The following DAB1 variants were observed in gnomAD, a reference collection of about 807,000 sequenced individuals.
DAB1 encodes the protein disabled homolog 1.
In DAB1, 15 loss-of-function variants were observed where a neutral mutation model predicts 64.6. That is an observed-to-expected ratio of 0.23 (90% CI 0.16 to 0.36). The LOEUF (loss-of-function observed/expected upper bound fraction) is 0.36, where lower values mean the gene tolerates loss of function less well. Ranked by LOEUF, DAB1 falls within the 10% of genes least tolerant of loss-of-function variation. The pLI is 1.00. For synonymous variants in DAB1, 235 were observed against 251.9 expected (o/e 0.93, Z 0.64); for missense variants, 596 against 706.7 (o/e 0.84, Z 1.78).
chr1:58,292,413 A>G (rs967769685), intron 4 of DAB1, among the ~76,000 whole-genome samples: 1 of 152,254 alleles, frequency 6.6e-6, no homozygotes, highest in Non-Finnish European at 1.5e-5. Context: ...CTGTCATACT[A>G]TGAGGATTAA....
At chr1:57,844,326 A>C (rs1487749976) in intron 1 of DAB1, among the ~76,000 whole-genome samples, 2 of 152,214 alleles carry the variant, frequency 1.3e-5, no homozygotes, top group African/African-American at 4.8e-5. Flanking sequence ...ATTTAGAATA[A>C]AGTATGATGT....
chr1:58,067,807 G>GT (rs1648947841), intron 5 of DAB1, among the ~76,000 whole-genome samples: 1 of 152,162 alleles, frequency 6.6e-6, no homozygotes, highest in Non-Finnish European at 1.5e-5. Flanking sequence ...AATGAGTGGG[G>GT]GGTAATGAGT....
chr1:57,488,774 A>C (rs997766415), intron 7 of DAB1, among the ~76,000 whole-genome samples: 4 of 152,170 alleles, frequency 2.6e-5, no homozygotes, highest in Admixed American at 6.5e-5. Context: ...AGCTAGACTC[A>C]CCTGCCACTC....
intron 6 of DAB1, among the ~76,000 whole-genome samples, chr1:57,744,792 C>G (rs1648184036): frequency 6.6e-6 from 1 of 152,126 alleles, no homozygotes; most frequent in Non-Finnish European, 1.5e-5. Flanking sequence ...ATCCTCAGCA[C>G]AGAAACTATG....
intron 2 of DAB1, among the ~76,000 whole-genome samples, chr1:57,279,842 T>A (rs1235148625): frequency 4.6e-5 from 7 of 152,260 alleles, no homozygotes; most frequent in Non-Finnish European, 7.3e-5. Flanking sequence ...AGACAAGAGA[T>A]GTGAAGTGAA....
At chr1:57,159,275 T>A (rs1334125986) in intron 2 of DAB1, among the ~76,000 whole-genome samples, 1 of 152,170 alleles carries the variant, frequency 6.6e-6, no homozygotes, top group Non-Finnish European at 1.5e-5. Flanking sequence ...AAAATGATCA[T>A]CAGCCACATT....
At chr1:58,361,858 T>TCC (rs373117902) in intron 3 of DAB1, among the ~76,000 whole-genome samples, 3 of 98,586 alleles carry the variant, frequency 3.0e-5, no homozygotes, top group African/African-American at 1.0e-4. Flanking sequence ...CCATCAAAGA[T>TCC]CCCCCTTTTT....
intron 1 of DAB1, among the ~76,000 whole-genome samples, chr1:57,843,975 T>C (rs895450757): frequency 1.3e-5 from 2 of 152,240 alleles, no homozygotes; most frequent in African/African-American, 4.8e-5. Flanking sequence ...CACTGTAAAA[T>C]CTGTGCCTGA....
rs147416420 is a variant in DAB1 at position 57,865,922 on chromosome 1, C to T, written n.87+18077G>A. On this transcript the variant is annotated intron_variant and non_coding_transcript_variant, in intron 1 of 1. Coordinates refer to the DAB1 transcript ENST00000477280. ...GGGTCTGGGAAATCCAAAATTAAGGCGCCAGCAGATTTGGTGTTTCATGAT... is the reference window on the plus strand; with the variant it reads ...GGGTCTGGGAAATCCAAAATTAAGGTGCCAGCAGATTTGGTGTTTCATGAT... Among the ~76,000 whole-genome samples, 6 of 152,168 alleles carry T rather than the reference C, an allele frequency of 3.9e-5. No individual in the cohort carries two copies. The East Asian group carries it at 7.7e-4, about 20-fold the overall frequency.
At chr1:57,135,865 C>T (rs1658035762) in intron 4 of DAB1, among the ~76,000 whole-genome samples, 1 of 152,112 alleles carries the variant, frequency 6.6e-6, no homozygotes, top group Admixed American at 6.6e-5. Context: ...AGGAAAAAGA[C>T]ATCTATTTGA....
intron 5 of DAB1, among the ~76,000 whole-genome samples, chr1:58,107,070 G>A (rs998769586): frequency 1.3e-5 from 2 of 151,160 alleles, no homozygotes; most frequent in Non-Finnish European, 2.9e-5. Flanking sequence ...GCCTCCTGGA[G>A]CTTAATAGCT....
chr1:58,352,099 T>A (rs370827506), intron 3 of DAB1, among the ~76,000 whole-genome samples: 7 of 152,010 alleles, frequency 4.6e-5, no homozygotes, highest in East Asian at 1.9e-4. Context: ...GCTCAGGGCA[T>A]CCTGTTATCT....
chr1:58,059,504 C>T (rs1026962893), intron 5 of DAB1, among the ~76,000 whole-genome samples: 1 of 152,210 alleles, frequency 6.6e-6, no homozygotes, highest in Admixed American at 6.5e-5. Context: ...ATGCTGGATA[C>T]ACACATGCCA....
intron 6 of DAB1, among the ~76,000 whole-genome samples, chr1:57,687,940 G>T (rs1005452789): frequency 1.3e-5 from 2 of 152,054 alleles, no homozygotes; most frequent in East Asian, 3.9e-4. Flanking sequence ...ATAAATGTAA[G>T]AAATCAAATT....
intron 6 of DAB1, among the ~76,000 whole-genome samples, chr1:57,677,571 T>C (rs1320963742): frequency 6.6e-6 from 1 of 152,310 alleles, no homozygotes; most frequent in Non-Finnish European, 1.5e-5. Context: ...GTAGCATTCA[T>C]ACCACGTGGC....
intron 1 of DAB1, among the ~76,000 whole-genome samples, chr1:58,543,402 A>G (rs1646651787): frequency 6.6e-6 from 1 of 152,216 alleles, no homozygotes; most frequent in South Asian, 2.1e-4. Flanking sequence ...CAGCAACTTT[A>G]GCATCCAAAA....
chr1:57,184,090 T>C (rs1462458814), intron 2 of DAB1, among the ~76,000 whole-genome samples: 1 of 152,116 alleles, frequency 6.6e-6, no homozygotes. Flanking sequence ...CCAAAAAGAA[T>C]TAAGAGCCCA....
intron 4 of DAB1, among the ~76,000 whole-genome samples, chr1:58,280,712 AAGG>A (rs766411306): frequency 7.2e-5 from 11 of 152,222 alleles, no homozygotes; most frequent in East Asian, 1.9e-4. Context: ...TGTAATAAAG[AAGG>A]AGGAGGAGGA....
chr1:57,682,113 C>T (rs1486231579), intron 6 of DAB1, among the ~76,000 whole-genome samples: 1 of 151,758 alleles, frequency 6.6e-6, no homozygotes, highest in Non-Finnish European at 1.5e-5. Context: ...TAATATATTG[C>T]CACAAAGGTG....
Sources: gnomAD v4.1 joint callset for allele counts (sites outside exome capture counted in the v4.1 genomes callset) on GRCh38, gnomAD v4.1.1 for gene constraint, MANE v1.5 for transcripts, NCBI Gene and HGNC (gene_info 2026-07-23, HGNC 2026-07-21) for gene names.